CDH13: variants seen among roughly 807,000 people sequenced by gnomAD.
The protein encoded by CDH13 is cadherin-13.
Under a neutral mutation model 63.8 loss-of-function variants are expected in CDH13, and 24 were observed. The observed-to-expected ratio is 0.38, with a 90% CI of 0.27 to 0.53. The LOEUF (loss-of-function observed/expected upper bound fraction) is 0.53, where lower values mean the gene tolerates loss of function less well. Ranked by LOEUF, CDH13 falls within the 20% of genes least tolerant of loss-of-function variation. CDH13 has a pLI of 0.85. For missense variants in CDH13, 1,049 were observed against 903.1 expected, an observed-to-expected ratio of 1.16 and a Z score of -2.07; for synonymous variants, 503 against 355.3, an observed-to-expected ratio of 1.42 and a Z score of -4.67.
intron 4 of CDH13, chr16:83,181,133 T>A: frequency 2.2e-6 from 2 of 914,290 alleles, no homozygotes; most frequent in Non-Finnish European, 3.2e-6. Flanking sequence ...TAGAAATGTG[T>A]AGACAGAGAG....
At position 83,381,309 on chromosome 16, in the gene CDH13, T is replaced by A. The variant is rs375384871; in HGVS notation, c.781+36303T>A. On this transcript the variant is annotated intron_variant, in intron 6 of 13. Transcript: ENST00000567109. ...TGAAATTTTCCCAGAAATCGTGGACTCCCCCTTTCCCTGCCCCTTCATGTC... is the reference window on the plus strand; with the variant it reads ...TGAAATTTTCCCAGAAATCGTGGACACCCCCTTTCCCTGCCCCTTCATGTC... Among the ~76,000 whole-genome samples the A allele has an allele frequency of 1.3e-3, 197 of 152,196 alleles. 3 individuals are homozygous for A. The South Asian group carries it at 0.028, about 22-fold the overall frequency.
At chr16:83,706,405 C>A (rs1186692132) in intron 10 of CDH13, among the ~76,000 whole-genome samples, 1 of 152,128 alleles carries the variant, frequency 6.6e-6, no homozygotes, top group Non-Finnish European at 1.5e-5. Context: ...CACCTGTGAA[C>A]GAGAGGAGCG....
chr16:83,605,913 A>T (rs555092822), intron 8 of CDH13, among the ~76,000 whole-genome samples: 1 of 152,324 alleles, frequency 6.6e-6, no homozygotes, highest in East Asian at 1.9e-4. Flanking sequence ...AGGTGGCAGA[A>T]TCTGTAAAAT....
At chr16:83,222,425 C>A (rs138626953) in intron 5 of CDH13, among the ~76,000 whole-genome samples, 33 of 152,200 alleles carry the variant, frequency 2.2e-4, no homozygotes, top group African/African-American at 7.7e-4. Flanking sequence ...TGCCGTCATG[C>A]GGAAATAGGT....
intron 10 of CDH13, among the ~76,000 whole-genome samples, chr16:83,737,759 C>G (rs1911673928): frequency 6.6e-6 from 1 of 152,198 alleles, no homozygotes; most frequent in Non-Finnish European, 1.5e-5. Flanking sequence ...AATTGGAGAA[C>G]CAGTGGCACA....
At chr16:83,510,505 G>C (rs1416486555) in intron 7 of CDH13, among the ~76,000 whole-genome samples, 1 of 152,176 alleles carries the variant, frequency 6.6e-6, no homozygotes, top group Non-Finnish European at 1.5e-5. Flanking sequence ...TTCTCAAAAT[G>C]CTACCAGGAA....
chr16:83,720,184 C>G (rs1909500292), intron 10 of CDH13, among the ~76,000 whole-genome samples: 1 of 152,086 alleles, frequency 6.6e-6, no homozygotes, highest in Non-Finnish European at 1.5e-5. Context: ...CATACGTACA[C>G]ACACACACAC....
At chr16:82,881,494 T>C (rs1177867490) in intron 2 of CDH13, among the ~76,000 whole-genome samples, 2 of 152,106 alleles carry the variant, frequency 1.3e-5, no homozygotes, top group African/African-American at 4.8e-5. Flanking sequence ...TTACAATCTG[T>C]TTTTGGATGT....
At chr16:83,493,629 G>A (rs1269851479) in intron 7 of CDH13, among the ~76,000 whole-genome samples, 1 of 152,232 alleles carries the variant, frequency 6.6e-6, no homozygotes, top group African/African-American at 2.4e-5. Context: ...AGACTCCAGA[G>A]ATGAGGCTGT....
At position 83,698,526 on chromosome 16, in the gene CDH13, G is replaced by A. The variant is rs149487782; in HGVS notation, c.1538+20065G>A. On this transcript the variant is annotated intron_variant, in intron 10 of 13. Coordinates refer to ENST00000567109, the MANE Select transcript of CDH13 (RefSeq NM_001257.5). ...CACTGCTTTCTTGGAAAGTTGATGC[G>A]GCCAGGAGCATCTGTTTTGTGCTTC... Among the ~76,000 whole-genome samples the A allele has an allele frequency of 2.1e-3, 322 of 152,256 alleles. 1 individual carries two copies. The highest frequency in any genetic ancestry group is 0.014 in the Middle Eastern group (4 of 294).
chr16:83,087,309 A>G (rs1175653090), intron 3 of CDH13, among the ~76,000 whole-genome samples: 2 of 152,190 alleles, frequency 1.3e-5, no homozygotes, highest in Non-Finnish European at 2.9e-5. Flanking sequence ...GCTTTGAAAT[A>G]TATATAAAAA....
chr16:83,206,424 C>T (rs1367043824), intron 4 of CDH13, among the ~76,000 whole-genome samples: 1 of 152,210 alleles, frequency 6.6e-6, no homozygotes, highest in Non-Finnish European at 1.5e-5. Context: ...CAGTGTCACC[C>T]ATGACGTGCT....
intron 1 of CDH13, among the ~76,000 whole-genome samples, chr16:82,667,785 A>T (rs181334224): frequency 4.3e-4 from 66 of 152,060 alleles, no homozygotes; most frequent in Middle Eastern, 6.8e-3. Flanking sequence ...CTTGCTTTCT[A>T]TGTCCTGAGC....
chr16:83,783,497 T>C (rs1915674539), intron 13 of CDH13, 25 bp downstream of exon 13: 1 of 1,573,006 alleles, frequency 6.4e-7, no homozygotes, highest in Non-Finnish European at 8.7e-7. Context: ...CTCCAGTGCA[T>C]GCACAAACAG....
At chr16:83,380,401 T>A (rs954055400) in intron 6 of CDH13, among the ~76,000 whole-genome samples, 3 of 152,162 alleles carry the variant, frequency 2.0e-5, no homozygotes, top group Non-Finnish European at 4.4e-5. Flanking sequence ...AGCCCATTCA[T>A]TCTATTTTTG....
chr16:83,497,840 T>A (rs1292285827), intron 7 of CDH13, among the ~76,000 whole-genome samples: 2 of 152,174 alleles, frequency 1.3e-5, no homozygotes, highest in Non-Finnish European at 2.9e-5. Flanking sequence ...TTATCATATG[T>A]CTATATCTGA....
intron 2 of CDH13, among the ~76,000 whole-genome samples, chr16:82,939,327 A>T (rs923070877): frequency 1.3e-5 from 2 of 152,006 alleles, no homozygotes; most frequent in African/African-American, 4.8e-5. Context: ...ATAGGCTGAG[A>T]CAGAAGGAAT....
rs371917156 is a variant in CDH13 at position 83,606,432 on chromosome 16, C to G, written c.1101+3838C>G. Among the ~76,000 whole-genome samples the G allele has an allele frequency of 1.1e-4, 17 of 152,186 alleles. 1 individual carries two copies. Among genetic ancestry groups the G allele is most frequent in the African/African-American group, 4.1e-4 (17 of 41,530 alleles). On this transcript the variant is annotated intron_variant, in intron 8 of 13. Transcript: ENST00000567109. ...GTTGAACAAAATAGAGGTAGTTTCT[C>G]TCACTTAAAAGTTTGGAAGTGAAGG...
intron 6 of CDH13, among the ~76,000 whole-genome samples, chr16:83,414,648 A>G (rs1182452550): frequency 1.3e-5 from 2 of 152,206 alleles, no homozygotes; most frequent in African/African-American, 4.8e-5. Flanking sequence ...TGAGTACTTC[A>G]TGTAAGTGGA....
Sources: gnomAD v4.1 joint callset for allele counts (sites outside exome capture counted in the v4.1 genomes callset) on GRCh38, gnomAD v4.1.1 for gene constraint, MANE v1.5 for transcripts, NCBI Gene and HGNC (gene_info 2026-07-23, HGNC 2026-07-21) for gene names.